The following YTHDF2 variants were observed in gnomAD, a reference collection of about 807,000 sequenced individuals.
YTHDF2 encodes YTH domain-containing family protein 2.
A neutral mutation model predicts 50.4 loss-of-function variants in YTHDF2; 2 were observed. The observed-to-expected ratio is 0.04, with a 90% CI of 0.02 to 0.12. The LOEUF (loss-of-function observed/expected upper bound fraction) is 0.12, where lower values mean the gene tolerates loss of function less well. Ranked by LOEUF, YTHDF2 falls within the 10% of genes least tolerant of loss-of-function variation. The pLI, the probability that YTHDF2 is intolerant of heterozygous loss-of-function variation, is 1.00. For synonymous variants in YTHDF2, 217 were observed against 255.6 expected (o/e 0.85, Z 1.44); for missense variants, 483 against 722.6 (o/e 0.67, Z 3.80).
At chr1:28,755,901 A>T (rs1224144537) in intron 4 of YTHDF2, among the ~76,000 whole-genome samples, 1 of 152,228 alleles carries the variant, frequency 6.6e-6, no homozygotes, top group Non-Finnish European at 1.5e-5. Flanking sequence ...TCTTACCCCA[A>T]GAATTTCAGA....
chr1:28,742,166 C>T (rs1570462414), intron 3 of YTHDF2, among the ~76,000 whole-genome samples: 1 of 151,632 alleles, frequency 6.6e-6, no homozygotes, highest in African/African-American at 2.4e-5. Flanking sequence ...TCTCCTGCCT[C>T]AGGCCTCCCA....
At chr1:28,738,207 A>G in intron 2 of YTHDF2, 52 bp from the exon 3 acceptor site, 1 of 1,449,050 alleles carries the variant, frequency 6.9e-7, no homozygotes, top group South Asian at 1.1e-5. Context: ...AACTAATTTG[A>G]AAGGAAGATT....
rs2088232806 is a variant in YTHDF2, at chr1:28,767,264, GAGAC to G, written c.1717-1662_1717-1659del. On this transcript the variant is annotated intron_variant, in intron 4 of 4. Coordinates refer to ENST00000373812, the MANE Select transcript of YTHDF2 (RefSeq NM_016258.3). Reference sequence around the variant, plus strand: ...GGAACAAATTTGGTGTTTAAAGAATGAGACAGTGCTGTAGTAAATATAATTGCAT... The same window carrying G: ...GGAACAAATTTGGTGTTTAAAGAATGAGTGCTGTAGTAAATATAATTGCAT... 3.3e-5 allele frequency among the ~76,000 whole-genome samples: 5 copies of G among 152,248 alleles called. No homozygotes were observed. The South Asian group carries it at 1.0e-3, about 32-fold the overall frequency.
chr1:28,766,397 G>A (rs980139570), intron 4 of YTHDF2, among the ~76,000 whole-genome samples: 5 of 152,326 alleles, frequency 3.3e-5, no homozygotes, highest in Non-Finnish European at 7.3e-5. Flanking sequence ...GATTACAGGA[G>A]TGAGCTATTG....
At chr1:28,737,802 C>A (rs923912390) in intron 2 of YTHDF2, 120 bp downstream of exon 2, 4 of 1,193,878 alleles carry the variant, frequency 3.4e-6, no homozygotes, top group Admixed American at 4.5e-5. Flanking sequence ...TCGCAGGTGC[C>A]GCACACTTAA....
chr1:28,766,657 C>T (rs1224501969), intron 4 of YTHDF2, among the ~76,000 whole-genome samples: 1 of 151,992 alleles, frequency 6.6e-6, no homozygotes, highest in Non-Finnish European at 1.5e-5. Context: ...AAACTGTCTC[C>T]TTTTAATTCT....
rs1438548015 is a variant in YTHDF2 at position 28,737,461 on chromosome 1, C to A, written c.28-197C>A. On this transcript the variant is annotated intron_variant, in intron 1 of 4. Coordinates refer to ENST00000373812, the MANE Select transcript of YTHDF2 (RefSeq NM_016258.3). Reference sequence around the variant, plus strand: ...CTCGCGTCGCCGGTGGCGCGTCTGCCGCGTTTTCTCCCCTGCCCCACGGGC... The same window carrying A: ...CTCGCGTCGCCGGTGGCGCGTCTGCAGCGTTTTCTCCCCTGCCCCACGGGC... 5 of 725,884 alleles carry A rather than the reference C, an allele frequency of 6.9e-6. 1 individual carries two copies. In the Admixed American group the frequency reaches 1.0e-4, roughly 15 times the overall value. 45.0% of individuals were successfully genotyped at this position (725,884 alleles called of 1,614,324 possible).
intron 4 of YTHDF2, among the ~76,000 whole-genome samples, chr1:28,750,768 A>G (rs1271011771): frequency 6.6e-6 from 1 of 151,898 alleles, no homozygotes; most frequent in African/African-American, 2.4e-5. Context: ...TTAATGAAAA[A>G]TTGTTTCCTA....
chr1:28,747,724 G>C (rs955077148), intron 4 of YTHDF2, among the ~76,000 whole-genome samples: 2 of 149,772 alleles, frequency 1.3e-5, no homozygotes, highest in African/African-American at 4.9e-5. Flanking sequence ...AGCCCATAAA[G>C]ACTCTTGATA....
intron 3 of YTHDF2, 111 bp downstream of exon 3, chr1:28,738,449 T>C: frequency 1.9e-6 from 2 of 1,027,796 alleles, no homozygotes; most frequent in Non-Finnish European, 2.9e-6. Context: ...CTTTTTTCTG[T>C]TTTCTGTTTT....
At chr1:28,754,391 G>C (rs772098110) in intron 4 of YTHDF2, among the ~76,000 whole-genome samples, 3 of 152,108 alleles carry the variant, frequency 2.0e-5, no homozygotes, top group African/African-American at 7.2e-5. Context: ...TTAGCCGGGC[G>C]TGGTGACGGG....
chr1:28,737,864 T>C (rs1047659996), intron 2 of YTHDF2, 182 bp downstream of exon 2: 26 of 672,198 alleles, frequency 3.9e-5, no homozygotes, highest in Admixed American at 5.8e-5. Flanking sequence ...GCTTTTTCGC[T>C]AACAAGGAGT....
chr1:28,755,726 A>C (rs1036577466), intron 4 of YTHDF2, among the ~76,000 whole-genome samples: 1 of 152,218 alleles, frequency 6.6e-6, no homozygotes, highest in Non-Finnish European at 1.5e-5. Flanking sequence ...CAGGTTGAGT[A>C]TTCCTAATTT....
intron 4 of YTHDF2, among the ~76,000 whole-genome samples, chr1:28,748,246 C>A (rs1258119260): frequency 6.6e-6 from 1 of 152,088 alleles, no homozygotes; most frequent in Non-Finnish European, 1.5e-5. Flanking sequence ...TTACTATTTT[C>A]CTTAACATCT....
intron 4 of YTHDF2, 21 bp from the exon 5 acceptor site, chr1:28,768,908 A>G (rs2088261033): frequency 2.5e-6 from 4 of 1,575,126 alleles, no homozygotes; most frequent in African/African-American, 1.3e-5. Flanking sequence ...AACCATTTCA[A>G]TTTTTTTCTT....
rs967910137 is a variant in YTHDF2 at position 28,736,997 on chromosome 1, C to T, written c.-124C>T. 7 of 1,263,660 alleles carry T rather than the reference C, an allele frequency of 5.5e-6. No homozygotes were observed. Among genetic ancestry groups the T allele is most frequent in the East Asian group, 2.7e-5 (1 of 37,558 alleles). 78.3% of individuals were successfully genotyped at this position (1,263,660 alleles called of 1,614,324 possible). A position where few individuals can be genotyped will look rare whatever the true frequency, so the allele number is the denominator to read the frequency against. ...CCGCGCGCTGTGTCTCCGCTGCGTC[C>T]GCCGAGGCCCCCGAGTGTCAGGGAC... is the stretch of plus-strand genomic sequence containing the variant. On this transcript the variant is annotated 5_prime_UTR_variant, in exon 1 of 5. Coordinates refer to ENST00000373812, the MANE Select transcript of YTHDF2 (RefSeq NM_016258.3).
At chr1:28,741,320 G>A (rs942303776) in intron 3 of YTHDF2, among the ~76,000 whole-genome samples, 1 of 151,564 alleles carries the variant, frequency 6.6e-6, no homozygotes, top group Non-Finnish European at 1.5e-5. Flanking sequence ...ATTTTTTTGA[G>A]ACAGTCTGGC....
At chr1:28,752,611 G>A (rs946100738) in intron 4 of YTHDF2, among the ~76,000 whole-genome samples, 3 of 152,100 alleles carry the variant, frequency 2.0e-5, no homozygotes, top group African/African-American at 4.8e-5. Context: ...TAGTTACATC[G>A]TGGAAATTGA....
Position 28,743,641 on chromosome 1 carries a change from A to T in YTHDF2, c.1371A>T (p.Leu457Phe), listed in dbSNP as rs2087813407. Reference sequence around the variant, plus strand: ...TGAACGGGAAAGGCCCCGTTTACTTACTTTTCAGTGTCAACGGCAGTGGAC... The same window carrying T: ...TGAACGGGAAAGGCCCCGTTTACTTTCTTTTCAGTGTCAACGGCAGTGGAC... Reference protein sequence around the residue: ...RSMNGKGPVYLLFSVNGSGHF... With the variant: ...RSMNGKGPVYFLFSVNGSGHF... The change falls in exon 4 of 5, where the codon TTA becomes TTT. Residue 457 changes from leucine to phenylalanine, a missense_variant. Physicochemically the swap from Leu to Phe is conservative, Grantham distance 22. This residue lies in a region of YTHDF2 where 59 missense variants were observed against 168.9 expected (regional missense o/e 0.35). Coordinates refer to ENST00000373812, the MANE Select transcript of YTHDF2 (RefSeq NM_016258.3). The surrounding 1 kb of genome is among the most constrained non-coding windows in gnomAD (Gnocchi z 6.9). 1 of 1,614,096 alleles carries T rather than the reference A, an allele frequency of 6.2e-7. No individual in the cohort carries two copies. Among genetic ancestry groups the T allele is most frequent in the South Asian group, 1.1e-5 (1 of 91,086 alleles).
Sources: gnomAD v4.1 joint callset for allele counts (sites outside exome capture counted in the v4.1 genomes callset) on GRCh38, gnomAD v4.1.1 for gene constraint, gnomAD v4.1.1 regional missense constraint, Gnocchi (gnomAD v3.1) non-coding constraint, MANE v1.5 for transcripts, NCBI Gene and HGNC (gene_info 2026-07-23, HGNC 2026-07-21) for gene names.